Variants in NRG1 observed in about 807,000 individuals in gnomAD.
NRG1 encodes neuregulin 1.
In NRG1, 18 loss-of-function variants were observed where a neutral mutation model predicts 63.8. The observed-to-expected ratio is 0.28, with a 90% CI of 0.19 to 0.42. The LOEUF (loss-of-function observed/expected upper bound fraction) is 0.42, where lower values mean the gene tolerates loss of function less well. Ranked by LOEUF, NRG1 falls within the 10% of genes least tolerant of loss-of-function variation. The pLI is 1.00. For missense variants in NRG1, 762 were observed against 814.7 expected (o/e 0.94, Z 0.79); for synonymous variants, 302 against 301.3 (o/e 1.00, Z -0.02).
chr8:32,470,183 C>CTG (rs1554551612), intron 1 of NRG1, among the ~76,000 whole-genome samples: 2 of 124,688 alleles, frequency 1.6e-5, no homozygotes, highest in African/African-American at 6.0e-5. Context: ...GAAAAGGACT[C>CTG]TTTTTTTTTT....
chr8:31,941,907 A>G (rs1476451671), intron 1 of NRG1, among the ~76,000 whole-genome samples: 1 of 152,164 alleles, frequency 6.6e-6, no homozygotes, highest in East Asian at 1.9e-4. Context: ...AAACAAATGG[A>G]AACACATCCC....
At chr8:31,809,741 G>GTTTTTTTTT (rs753730069) in intron 1 of NRG1, among the ~76,000 whole-genome samples, 4 of 68,032 alleles carry the variant, frequency 5.9e-5, no homozygotes, top group Non-Finnish European at 1.0e-4. Context: ...TCTATTAATT[G>GTTTTTTTTT]TTTTTTTTTT....
intron 1 of NRG1, among the ~76,000 whole-genome samples, chr8:32,092,479 A>AT (rs1829322034): frequency 1.3e-5 from 2 of 148,538 alleles, no homozygotes; most frequent in African/African-American, 4.9e-5. Flanking sequence ...AAAAAAAAAA[A>AT]GAAAAAGAAA....
chr8:32,143,601 TC>T (rs1317817365), intron 1 of NRG1, among the ~76,000 whole-genome samples: 3 of 152,182 alleles, frequency 2.0e-5, no homozygotes, highest in African/African-American at 7.2e-5. Flanking sequence ...CAAGCACGTT[TC>T]TCAGGCAACT....
intron 1 of NRG1, among the ~76,000 whole-genome samples, chr8:31,803,988 G>A (rs1009785419): frequency 6.6e-5 from 10 of 152,106 alleles, no homozygotes; most frequent in Non-Finnish European, 1.2e-4. Flanking sequence ...CAGCTACCCT[G>A]CCGAATATCG....
intron 1 of NRG1, among the ~76,000 whole-genome samples, chr8:32,109,612 A>G (rs1831737034): frequency 6.6e-6 from 1 of 152,112 alleles, no homozygotes; most frequent in Admixed American, 6.6e-5. Flanking sequence ...GTCAAACACA[A>G]GTGAGGCATT....
chr8:32,013,884 A>C (rs1815116447), intron 1 of NRG1, among the ~76,000 whole-genome samples: 1 of 152,144 alleles, frequency 6.6e-6, no homozygotes, highest in African/African-American at 2.4e-5. Flanking sequence ...GGTGGGAGTC[A>C]TGAGAAAGAC....
intron 1 of NRG1, among the ~76,000 whole-genome samples, chr8:31,756,549 C>G (rs1326549785): frequency 6.6e-6 from 1 of 152,102 alleles, no homozygotes; most frequent in African/African-American, 2.4e-5. Flanking sequence ...GGGTAGTAAA[C>G]TCCTCCTCCA....
chr8:31,843,123 A>G (rs80041326), intron 1 of NRG1, among the ~76,000 whole-genome samples: 1 of 152,100 alleles, frequency 6.6e-6, no homozygotes, highest in African/African-American at 2.4e-5. Context: ...ATAAAGAAAA[A>G]AAAAACACCT....
intron 5 of NRG1, among the ~76,000 whole-genome samples, chr8:32,661,321 A>T (rs1477554282): frequency 6.6e-6 from 1 of 152,218 alleles, no homozygotes; most frequent in African/African-American, 2.4e-5. Flanking sequence ...CAATGCTATC[A>T]TTTTACCAAG....
chr8:32,110,796 A>G (rs998162654), intron 1 of NRG1, among the ~76,000 whole-genome samples: 1 of 152,100 alleles, frequency 6.6e-6, no homozygotes, highest in Non-Finnish European at 1.5e-5. Flanking sequence ...CACATTCACT[A>G]CCCGAAAGTA....
At chr8:32,199,492 C>T (rs1443937486) in intron 1 of NRG1, among the ~76,000 whole-genome samples, 1 of 152,178 alleles carries the variant, frequency 6.6e-6, no homozygotes, top group African/African-American at 2.4e-5. Flanking sequence ...GAATATTTTT[C>T]AGCAGCTTCT....
At chr8:32,605,802 A>G in intron 3 of NRG1, 119 bp downstream of exon 3, 1 of 1,172,114 alleles carries the variant, frequency 8.5e-7, no homozygotes, top group South Asian at 1.6e-5. Context: ...AAAAACAGAG[A>G]AAGAAAACCA....
chr8:32,423,663 A>T (rs1816974133), intron 1 of NRG1, among the ~76,000 whole-genome samples: 1 of 152,126 alleles, frequency 6.6e-6, no homozygotes, highest in East Asian at 1.9e-4. Context: ...GATAATAATA[A>T]ATAATAAAAG....
At chr8:31,977,715 A>G (rs2129630117) in intron 1 of NRG1, among the ~76,000 whole-genome samples, 1 of 152,290 alleles carries the variant, frequency 6.6e-6, no homozygotes, top group South Asian at 2.1e-4. Context: ...GAAAACAACT[A>G]TGATGCTAAT....
intron 1 of NRG1, among the ~76,000 whole-genome samples, chr8:32,147,328 G>C (rs1179695935): frequency 2.0e-5 from 3 of 152,118 alleles, no homozygotes; most frequent in African/African-American, 7.2e-5. Flanking sequence ...TAGTTTTGTT[G>C]AAAATTATTT....
intron 1 of NRG1, among the ~76,000 whole-genome samples, chr8:32,041,869 G>C (rs1489049920): frequency 1.4e-4 from 21 of 152,144 alleles, no homozygotes; most frequent in Admixed American, 1.4e-3. Flanking sequence ...GTATTTATTA[G>C]TGCCTGGGCT....
chr8:32,609,605 TCC>T (rs1845983609), intron 3 of NRG1, among the ~76,000 whole-genome samples: 2 of 131,706 alleles, frequency 1.5e-5, no homozygotes, highest in Non-Finnish European at 3.2e-5. Flanking sequence ...CTTCCTTCCT[TCC>T]TTCCTTCCTT....
intron 1 of NRG1, among the ~76,000 whole-genome samples, chr8:31,911,216 C>T (rs1211309943): frequency 2.0e-5 from 3 of 152,118 alleles, no homozygotes; most frequent in Non-Finnish European, 4.4e-5. Flanking sequence ...CCACTTGACC[C>T]AGCAATCCTA....
Sources: allele counts gnomAD v4.1 joint callset (sites outside exome capture counted in the v4.1 genomes callset), GRCh38; gene constraint gnomAD v4.1.1; transcripts MANE v1.5; gene names NCBI Gene and HGNC (gene_info 2026-07-23, HGNC 2026-07-21).